RIMS1: variants seen among roughly 807,000 people sequenced by gnomAD.
RIMS1 encodes the protein regulating synaptic membrane exocytosis protein 1.
RIMS1 carries 83 observed loss-of-function variants against 214.1 expected under a neutral mutation model. The observed-to-expected ratio is 0.39, with a 90% CI of 0.32 to 0.47. The LOEUF (loss-of-function observed/expected upper bound fraction) is 0.47, where lower values mean the gene tolerates loss of function less well. Ranked by LOEUF, RIMS1 falls within the 20% of genes least tolerant of loss-of-function variation. RIMS1 has a pLI of 0.99. For synonymous variants in RIMS1, 793 were observed against 786.8 expected (o/e 1.01, Z -0.13); for missense variants, 2,050 against 2,161.8 (o/e 0.95, Z 1.03).
chr6:72,286,679 A>G (rs995567345), intron 24 of RIMS1, among the ~76,000 whole-genome samples: 1 of 152,166 alleles, frequency 6.6e-6, no homozygotes, highest in African/African-American at 2.4e-5. Context: ...TCTGAATAAG[A>G]GCTGTTAAGA....
chr6:72,015,366 T>C (rs954060347), intron 2 of RIMS1, among the ~76,000 whole-genome samples: 10 of 152,172 alleles, frequency 6.6e-5, no homozygotes, highest in African/African-American at 1.9e-4. Flanking sequence ...TGATTTTTTG[T>C]ATATTGATCT....
At chr6:72,123,823 T>C (rs2038940211) in intron 4 of RIMS1, among the ~76,000 whole-genome samples, 1 of 151,884 alleles carries the variant, frequency 6.6e-6, no homozygotes, top group South Asian at 2.1e-4. Flanking sequence ...TCCATTTGCT[T>C]GGTAGATCTT....
chr6:72,013,289 A>G (rs1223032721), intron 2 of RIMS1, among the ~76,000 whole-genome samples: 3 of 152,204 alleles, frequency 2.0e-5, no homozygotes, highest in African/African-American at 7.2e-5. Flanking sequence ...AATATAATTT[A>G]TAAATATTAT....
intron 1 of RIMS1, among the ~76,000 whole-genome samples, chr6:71,901,687 A>T (rs1313630843): frequency 6.6e-6 from 1 of 152,122 alleles, no homozygotes; most frequent in African/African-American, 2.4e-5. Context: ...TTAAATATTG[A>T]TAGAGGTATG....
intron 1 of RIMS1, among the ~76,000 whole-genome samples, chr6:71,966,680 C>G (rs974416966): frequency 6.6e-6 from 1 of 152,080 alleles, no homozygotes; most frequent in African/African-American, 2.4e-5. Flanking sequence ...CCCCACACAC[C>G]CGGCTAAATT....
At chr6:72,002,671 T>C (rs1264489997) in intron 2 of RIMS1, among the ~76,000 whole-genome samples, 1 of 152,144 alleles carries the variant, frequency 6.6e-6, no homozygotes, top group Non-Finnish European at 1.5e-5. Flanking sequence ...CAGTGATGCC[T>C]GTGGAACCCG....
At chr6:72,314,371 T>C (rs114557877) in intron 28 of RIMS1, among the ~76,000 whole-genome samples, 2,259 of 152,316 alleles carry the variant, frequency 0.015, 55 homozygotes, top group African/African-American at 0.051. Context: ...AATTTTGGTG[T>C]TGATGAGAGG....
chr6:72,176,251 G>A (rs551641583), intron 4 of RIMS1, among the ~76,000 whole-genome samples: 11 of 152,094 alleles, frequency 7.2e-5, no homozygotes, highest in African/African-American at 2.4e-4. Context: ...TAAATAAATA[G>A]CATTTTTTTG....
At chr6:72,012,146 A>T (rs1810893657) in intron 2 of RIMS1, among the ~76,000 whole-genome samples, 1 of 152,218 alleles carries the variant, frequency 6.6e-6, no homozygotes, top group Admixed American at 6.5e-5. Context: ...AATACTATGC[A>T]GCCATAAAAA....
chr6:72,402,931 A>T lies in RIMS1; in HGVS notation c.*2217A>T, dbSNP rs945561337. 3 of 152,584 alleles carry T rather than the reference A, an allele frequency of 2.0e-5. No individual in the cohort carries two copies. The highest frequency in any genetic ancestry group is 7.2e-5 in the African/African-American group (3 of 41,416). 9.5% of individuals were successfully genotyped at this position (152,584 alleles called of 1,614,324 possible). On this transcript the variant is annotated 3_prime_UTR_variant, in exon 34 of 34. Transcript: ENST00000521978. ...TTGTCTGCTGCGGGCATTTGACTTGACTTGTCACTGCACTATATTATGTCT... is the reference window on the plus strand; with the variant it reads ...TTGTCTGCTGCGGGCATTTGACTTGTCTTGTCACTGCACTATATTATGTCT...
intron 2 of RIMS1, among the ~76,000 whole-genome samples, chr6:71,990,742 A>G (rs1275924938): frequency 6.6e-6 from 1 of 152,074 alleles, no homozygotes; most frequent in Non-Finnish European, 1.5e-5. Context: ...CTCCGAGATC[A>G]GAAGGAACGT....
At position 72,144,889 on chromosome 6, in the gene RIMS1, C is replaced by CT. The variant is rs756238541; in HGVS notation, c.472-34675dup. 5.2e-3 allele frequency among the ~76,000 whole-genome samples: 761 copies of CT among 144,976 alleles called. 5 individuals carry two copies. The highest frequency in any genetic ancestry group is 5.9e-3 in the Non-Finnish European group (386 of 65,670). ...TAAGGATTTTTTTTCTTTCTTTTTT[C>CT]TTTTTTTTTTTCGAGATGGAGTTTC... is the stretch of plus-strand genomic sequence containing the variant. On this transcript the variant is annotated intron_variant, in intron 4 of 33. Transcript: ENST00000521978.
intron 4 of RIMS1, among the ~76,000 whole-genome samples, chr6:72,109,329 T>C (rs1468172500): frequency 6.6e-6 from 1 of 150,846 alleles, no homozygotes; most frequent in Non-Finnish European, 1.5e-5. Flanking sequence ...GGTGTAAAAG[T>C]GTTCCTATTT....
intron 1 of RIMS1, among the ~76,000 whole-genome samples, chr6:71,966,360 C>G (rs1583667844): frequency 6.6e-6 from 1 of 152,064 alleles, no homozygotes; most frequent in East Asian, 1.9e-4. Context: ...TTCAATAAAA[C>G]TTTAAAATTC....
Position 72,401,174 on chromosome 6 carries a change from G to A in RIMS1, c.*460G>A, listed in dbSNP as rs762144298. The A allele has an allele frequency of 4.1e-4, 63 of 153,328 alleles. No homozygotes were observed. Among genetic ancestry groups the A allele is most frequent in the Non-Finnish European group, 2.5e-4 (17 of 68,626 alleles). The allele number at this position is 153,328 out of a possible 1,614,324, so 9.5% of individuals were successfully genotyped here. A position where few individuals can be genotyped will look rare whatever the true frequency, so the allele number is the denominator to read the frequency against. On this transcript the variant is annotated 3_prime_UTR_variant, in exon 34 of 34. Transcript: ENST00000521978. Reference sequence around the variant, plus strand: ...ATTTGTGTGTTGTTTGTTGGTTTTCGTTTCTTGAGTTTTTGTTTTGTTTTC... The same window carrying A: ...ATTTGTGTGTTGTTTGTTGGTTTTCATTTCTTGAGTTTTTGTTTTGTTTTC...
chr6:72,156,129 G>C (rs77494793), intron 4 of RIMS1: 1 of 298,382 alleles, frequency 3.4e-6, no homozygotes, highest in African/African-American at 2.2e-5. Context: ...TATACATCAA[G>C]AGCAAATGAA....
At chr6:72,110,424 T>C (rs1349511859) in intron 4 of RIMS1, among the ~76,000 whole-genome samples, 1 of 151,236 alleles carries the variant, frequency 6.6e-6, no homozygotes, top group East Asian at 1.9e-4. Flanking sequence ...TCACATCCCT[T>C]GTAAGTTGGA....
chr6:71,924,648 A>AAAAAAAAAAAAAAAAG (rs1781028673), intron 1 of RIMS1, among the ~76,000 whole-genome samples: 76 of 149,798 alleles, frequency 5.1e-4, no homozygotes, highest in African/African-American at 1.8e-3. Context: ...AAAAAAAAAA[A>AAAAAAAAAAAAAAAAG]TGCAGAAAAT....
At chr6:72,093,277 C>T (rs747679552) in intron 2 of RIMS1, among the ~76,000 whole-genome samples, 16 of 135,938 alleles carry the variant, frequency 1.2e-4, no homozygotes, top group Non-Finnish European at 2.5e-4. Context: ...CACACACATA[C>T]ACACACAAAG....
Sources: gnomAD v4.1 joint callset for allele counts (sites outside exome capture counted in the v4.1 genomes callset) on GRCh38, gnomAD v4.1.1 for gene constraint, MANE v1.5 for transcripts, NCBI Gene and HGNC (gene_info 2026-07-23, HGNC 2026-07-21) for gene names.